Variants in ARHGAP24 observed in about 807,000 individuals in gnomAD.
ARHGAP24 encodes rho GTPase-activating protein 24.
A neutral mutation model predicts 76.4 loss-of-function variants in ARHGAP24; 50 were observed. The ratio of observed to expected loss-of-function variants is 0.65; its 90% CI spans 0.52 to 0.83. ARHGAP24 has a LOEUF of 0.83. Among genes scored for constraint, ARHGAP24 ranks in the 40% least tolerant of loss-of-function variants. ARHGAP24 has a pLI of 0.00. For missense variants in ARHGAP24, 930 were observed against 914.2 expected, an observed-to-expected ratio of 1.02 and a Z score of -0.22; for synonymous variants, 345 against 323.3, an observed-to-expected ratio of 1.07 and a Z score of -0.72.
chr4:85,895,401 T>C (rs2148784642), intron 3 of ARHGAP24, among the ~76,000 whole-genome samples: 1 of 152,306 alleles, frequency 6.6e-6, no homozygotes, highest in East Asian at 1.9e-4. Flanking sequence ...TAAAGTCATT[T>C]ATCCCAAAGT....
At chr4:85,996,607 T>A (rs1740676552) in intron 9 of ARHGAP24, among the ~76,000 whole-genome samples, 1 of 152,194 alleles carries the variant, frequency 6.6e-6, no homozygotes, top group African/African-American at 2.4e-5. Flanking sequence ...AAATAAATAT[T>A]AAAAAATACT....
chr4:85,826,336 G>A (rs940464399), intron 3 of ARHGAP24, among the ~76,000 whole-genome samples: 2 of 152,046 alleles, frequency 1.3e-5, no homozygotes, highest in Admixed American at 6.6e-5. Context: ...GATGCCAGGC[G>A]AACTATGTAA....
At chr4:85,870,045 G>A (rs1044275192) in intron 3 of ARHGAP24, among the ~76,000 whole-genome samples, 1 of 152,116 alleles carries the variant, frequency 6.6e-6, no homozygotes, top group Admixed American at 6.6e-5. Flanking sequence ...AGCTACCTAA[G>A]ATATTGTGTG....
chr4:85,626,095 G>A (rs1472089118), intron 2 of ARHGAP24, among the ~76,000 whole-genome samples: 2 of 152,226 alleles, frequency 1.3e-5, no homozygotes, highest in Non-Finnish European at 2.9e-5. Flanking sequence ...TGTGATGTGT[G>A]AATTTGATCC....
At chr4:85,609,020 C>A (rs977222867) in intron 2 of ARHGAP24, among the ~76,000 whole-genome samples, 3 of 152,108 alleles carry the variant, frequency 2.0e-5, no homozygotes, top group African/African-American at 7.2e-5. Context: ...TCTGATTCCT[C>A]ATCTGTAAAA....
At chr4:85,679,210 A>G (rs1332208150) in intron 2 of ARHGAP24, among the ~76,000 whole-genome samples, 1 of 152,120 alleles carries the variant, frequency 6.6e-6, no homozygotes. Flanking sequence ...CAGAGAGAAT[A>G]GATGGTGAAT....
intron 3 of ARHGAP24, among the ~76,000 whole-genome samples, chr4:85,777,749 A>G (rs149218989): frequency 1.4e-3 from 212 of 148,176 alleles, no homozygotes; most frequent in African/African-American, 5.0e-3. Flanking sequence ...GATAGATCTT[A>G]TGAATGTTCG....
At chr4:85,577,282 G>A (rs1259952283) in intron 2 of ARHGAP24, among the ~76,000 whole-genome samples, 1 of 151,290 alleles carries the variant, frequency 6.6e-6, no homozygotes, top group Admixed American at 6.6e-5. Flanking sequence ...TTAGAAAGAA[G>A]CAGCTCAGGT....
intron 3 of ARHGAP24, 75 bp from the exon 4 acceptor site, chr4:85,923,573 A>C: frequency 6.3e-7 from 1 of 1,599,858 alleles, no homozygotes. Flanking sequence ...TCTCTGTTTC[A>C]GGGGTTCTTC....
chr4:85,971,952 C>G (rs1032948644), intron 5 of ARHGAP24, 84 bp from the exon 6 acceptor site: 23 of 1,598,434 alleles, frequency 1.4e-5, no homozygotes, highest in Non-Finnish European at 1.8e-5. Flanking sequence ...GGATAGAATT[C>G]TGACTCCTGG....
At chr4:85,969,423 C>T (rs547586462) in intron 5 of ARHGAP24, among the ~76,000 whole-genome samples, 177 of 151,862 alleles carry the variant, frequency 1.2e-3, no homozygotes, top group African/African-American at 3.8e-3. Flanking sequence ...TTTATATAGT[C>T]ATGCAAATTA....
At chr4:85,503,328 C>T (rs1011115352) in intron 1 of ARHGAP24, among the ~76,000 whole-genome samples, 1 of 152,134 alleles carries the variant, frequency 6.6e-6, no homozygotes. Flanking sequence ...TAGAATTCGG[C>T]TATAAATCCA....
chr4:85,866,347 A>C (rs1201556742), intron 3 of ARHGAP24, among the ~76,000 whole-genome samples: 1 of 152,142 alleles, frequency 6.6e-6, no homozygotes, highest in Non-Finnish European at 1.5e-5. Flanking sequence ...CTTCTGACTT[A>C]CAAAAAAATG....
chr4:85,929,118 T>C (rs929119482), intron 4 of ARHGAP24, among the ~76,000 whole-genome samples: 10 of 152,158 alleles, frequency 6.6e-5, no homozygotes, highest in Non-Finnish European at 1.0e-4. Context: ...TGTAGATCAG[T>C]GTTCAGGTCA....
At chr4:85,685,380 C>T (rs184651995) in intron 2 of ARHGAP24, among the ~76,000 whole-genome samples, 15 of 152,146 alleles carry the variant, frequency 9.9e-5, no homozygotes, top group Non-Finnish European at 1.8e-4. Context: ...CGCCTGTAAT[C>T]CCAGCACTTT....
intron 3 of ARHGAP24, among the ~76,000 whole-genome samples, chr4:85,829,364 A>G (rs969576856): frequency 1.6e-4 from 24 of 152,226 alleles, no homozygotes; most frequent in Admixed American, 1.6e-3. Context: ...CTTTTAAAGT[A>G]TGTCAGTTTT....
chr4:85,988,894 G>A (rs896190691), intron 8 of ARHGAP24, among the ~76,000 whole-genome samples: 5 of 151,644 alleles, frequency 3.3e-5, no homozygotes, highest in African/African-American at 1.2e-4. Flanking sequence ...TACAACTAAA[G>A]TAGTGCTTAG....
At position 85,665,882 on chromosome 4, in the gene ARHGAP24, T is replaced by A. The variant is rs1322794893; in HGVS notation, c.181-56003T>A. Among the ~76,000 whole-genome samples, 4 of 152,326 alleles carry A rather than the reference T, an allele frequency of 2.6e-5. No homozygotes were observed. The East Asian group carries it at 7.7e-4, about 29-fold the overall frequency. On this transcript the variant is annotated intron_variant, in intron 2 of 9. Transcript: ENST00000395184. ...GGCTTGTAGGGTTTCTGCCAAGAGATCTGCTGTTAGTCTGATGGGCTTCCC... is the reference window on the plus strand; with the variant it reads ...GGCTTGTAGGGTTTCTGCCAAGAGAACTGCTGTTAGTCTGATGGGCTTCCC...
chr4:85,610,091 C>T (rs1720328555), intron 2 of ARHGAP24, among the ~76,000 whole-genome samples: 1 of 151,998 alleles, frequency 6.6e-6, no homozygotes, highest in South Asian at 2.1e-4. Context: ...TAAGTCTGAG[C>T]CAACTTCTTA....
Sources: gnomAD v4.1 joint callset for allele counts (sites outside exome capture counted in the v4.1 genomes callset) on GRCh38, gnomAD v4.1.1 for gene constraint, MANE v1.5 for transcripts, NCBI Gene and HGNC (gene_info 2026-07-23, HGNC 2026-07-21) for gene names.